Variants in FAM186A observed in about 807,000 individuals in gnomAD.
FAM186A encodes the protein protein FAM186A.
A neutral mutation model predicts 216.8 loss-of-function variants in FAM186A; 163 were observed. The ratio of observed to expected loss-of-function variants is 0.75; its 90% CI spans 0.66 to 0.86. The LOEUF (loss-of-function observed/expected upper bound fraction) is 0.86. Among genes scored for constraint, FAM186A ranks in the 40% least tolerant of loss-of-function variants. The probability of loss-of-function intolerance (pLI) is 0.00; values close to 1 mark genes in which losing one functional copy is unlikely to be tolerated. For missense variants in FAM186A, 2,184 were observed against 2,746.2 expected (o/e 0.80, Z 4.58); for synonymous variants, 805 against 1,025.3 (o/e 0.79, Z 4.10).
intron 4 of FAM186A, among the ~76,000 whole-genome samples, chr12:50,348,472 CT>C (rs1340199866): frequency 6.6e-6 from 1 of 152,144 alleles, no homozygotes; most frequent in Non-Finnish European, 1.5e-5. Flanking sequence ...ACCCACCTGC[CT>C]TGGCATCCCA....
At chr12:50,371,125 A>AT (rs140298462) in intron 1 of FAM186A, among the ~76,000 whole-genome samples, 4,210 of 148,742 alleles carry the variant, frequency 0.028, 100 homozygotes, top group Non-Finnish European at 0.041. Context: ...ATTCAATTTA[A>AT]TTTTTTTTTT....
chr12:50,365,982 C>G, intron 1 of FAM186A: 2 of 767,554 alleles, frequency 2.6e-6, no homozygotes, highest in East Asian at 4.9e-5. Context: ...TAGGCTAAAA[C>G]TGGACAAAGA....
intron 3 of FAM186A, among the ~76,000 whole-genome samples, chr12:50,356,999 A>AACAT (rs71749786): frequency 3.5e-4 from 52 of 149,908 alleles, no homozygotes; most frequent in African/African-American, 1.1e-3. Flanking sequence ...ACTTCGTCTC[A>AACAT]ACATACATAC....
intron 1 of FAM186A, among the ~76,000 whole-genome samples, chr12:50,387,956 A>G (rs997986744): frequency 2.0e-5 from 3 of 152,094 alleles, no homozygotes; most frequent in Non-Finnish European, 2.9e-5. Context: ...CTTAACTCCT[A>G]TATCACTTTC....
intron 5 of FAM186A, among the ~76,000 whole-genome samples, chr12:50,332,406 C>A (rs1008729764): frequency 2.4e-4 from 36 of 152,228 alleles, no homozygotes; most frequent in African/African-American, 8.4e-4. Context: ...CTGATTTGAA[C>A]CCAGACAATC....
intron 1 of FAM186A, among the ~76,000 whole-genome samples, chr12:50,368,455 C>T (rs1349410994): frequency 6.6e-6 from 1 of 151,466 alleles, no homozygotes; most frequent in Non-Finnish European, 1.5e-5. Context: ...AATAAACTTA[C>T]CCAAGGAGGT....
chr12:50,372,815 TGCTTGAACCCCGGAG>T (rs894849915), intron 1 of FAM186A, among the ~76,000 whole-genome samples: 3 of 149,242 alleles, frequency 2.0e-5, no homozygotes, highest in Non-Finnish European at 3.0e-5. Context: ...GGCAGAGAAT[TGCTTGAACCCCGGAG>T]GCAGAGGTTA....
Position 50,351,531 on chromosome 12 carries a change from G to T in FAM186A, c.5301C>A (p.Leu1767=). 1 of 1,523,840 alleles carries T rather than the reference G, an allele frequency of 6.6e-7. No individual in the cohort carries two copies. Among genetic ancestry groups the T allele is most frequent in the Non-Finnish European group, 8.8e-7 (1 of 1,135,020 alleles). The allele number at this position is 1,523,840 out of a possible 1,614,324, so 94.4% of individuals were successfully genotyped here. The part of the protein sequence containing the change: ...STPLQISRVP[L]NQGPFAPGKP... ...TCCCAGGGGCAAAGGGGCCTTGGTT[G>T]AGGGGAACCCTTGATATCTGCAAAG... Residue 1767 remains leucine, a synonymous_variant, in exon 4 of 8, where the codon CTC becomes CTA. Transcript: ENST00000327337.
intron 7 of FAM186A, among the ~76,000 whole-genome samples, chr12:50,329,050 G>A (rs1233667592): frequency 3.9e-5 from 6 of 152,128 alleles, no homozygotes; most frequent in African/African-American, 1.4e-4. Context: ...AACCCAGGAG[G>A]CAGAGGTTGC....
At chr12:50,348,038 ATT>A (rs71083540) in intron 4 of FAM186A, among the ~76,000 whole-genome samples, 3 of 81,336 alleles carry the variant, frequency 3.7e-5, no homozygotes, top group Admixed American at 1.8e-4. Flanking sequence ...ATGCCTGGTA[ATT>A]TTTTTTTTTT....
intron 1 of FAM186A, among the ~76,000 whole-genome samples, chr12:50,384,878 T>C (rs1055477045): frequency 6.6e-6 from 1 of 152,054 alleles, no homozygotes; most frequent in Admixed American, 6.6e-5. Flanking sequence ...CGATCTTGGC[T>C]CACTGCAACC....
chr12:50,395,765 CTT>C (rs995592938), intron 1 of FAM186A, among the ~76,000 whole-genome samples: 2 of 146,096 alleles, frequency 1.4e-5, no homozygotes. Flanking sequence ...CAAATGAAAA[CTT>C]TTTTTTTTTT....
intron 4 of FAM186A, among the ~76,000 whole-genome samples, chr12:50,336,415 C>T (rs1942708626): frequency 6.6e-6 from 1 of 152,124 alleles, no homozygotes; most frequent in Non-Finnish European, 1.5e-5. Flanking sequence ...CAATATTTCT[C>T]AAGGTGCGGA....
intron 3 of FAM186A, among the ~76,000 whole-genome samples, chr12:50,359,589 AT>A (rs1210221723): frequency 6.6e-6 from 1 of 152,168 alleles, no homozygotes; most frequent in Non-Finnish European, 1.5e-5. Context: ...CCCAAAAAAA[AT>A]GGGTAAATAA....
At chr12:50,361,606 T>C (rs1206488812) in intron 2 of FAM186A, among the ~76,000 whole-genome samples, 2 of 150,720 alleles carry the variant, frequency 1.3e-5, no homozygotes, top group East Asian at 3.9e-4. Context: ...AGTCTGGCTC[T>C]GTCACCCAGG....
intron 1 of FAM186A, among the ~76,000 whole-genome samples, chr12:50,369,819 T>C (rs1053377370): frequency 2.0e-5 from 3 of 151,814 alleles, no homozygotes; most frequent in Admixed American, 6.6e-5. Flanking sequence ...TGAAACCCCA[T>C]CCCTACTAAA....
rs576606032 is a variant in FAM186A at position 50,336,452 on chromosome 12, G to T, written c.6504-2349C>A. ...TCTGATCACCTAGACTGAACCATAT[G>T]GGGTAGACGGGTGGGGTGCTTGTTG... On this transcript the variant is annotated intron_variant, in intron 4 of 7. Coordinates refer to ENST00000327337, the MANE Select transcript of FAM186A (RefSeq NM_001145475.3). Among the ~76,000 whole-genome samples the T allele has an allele frequency of 1.2e-4, 18 of 152,240 alleles. No individual in the cohort carries two copies. In the South Asian group the frequency reaches 3.7e-3, roughly 32 times the overall value.
At chr12:50,385,858 C>T (rs1943298486) in intron 1 of FAM186A, among the ~76,000 whole-genome samples, 1 of 151,132 alleles carries the variant, frequency 6.6e-6, no homozygotes. Flanking sequence ...GTTGAGATCG[C>T]ACCACTGCAC....
At chr12:50,334,157 C>A (rs1942684616) in intron 4 of FAM186A, 54 bp from the exon 5 acceptor site, 2 of 1,334,918 alleles carry the variant, frequency 1.5e-6, no homozygotes, top group Non-Finnish European at 2.0e-6. Flanking sequence ...CCTACTTCAA[C>A]AAACTTGTCC....
Sources: allele counts gnomAD v4.1 joint callset (sites outside exome capture counted in the v4.1 genomes callset), GRCh38; gene constraint gnomAD v4.1.1; transcripts MANE v1.5; gene names NCBI Gene and HGNC (gene_info 2026-07-23, HGNC 2026-07-21).